ARHGEF38: variants seen among roughly 807,000 people sequenced by gnomAD.
ARHGEF38 encodes Rho guanine nucleotide exchange factor (GEF) 38.
ARHGEF38 carries 79 observed loss-of-function variants against 79.9 expected under a neutral mutation model. That is an observed-to-expected ratio of 0.99 (90% confidence interval 0.82 to 1.19). The LOEUF is 1.19. Among genes scored for constraint, ARHGEF38 ranks in the 50% most tolerant of loss-of-function variants. ARHGEF38 has a pLI of 0.00. For missense variants in ARHGEF38, 962 were observed against 907.2 expected, an observed-to-expected ratio of 1.06 and a Z score of -0.78; for synonymous variants, 366 against 328.3, an observed-to-expected ratio of 1.11 and a Z score of -1.24.
intron 3 of ARHGEF38, among the ~76,000 whole-genome samples, chr4:105,622,355 GT>G (rs1331158978): frequency 1.3e-5 from 2 of 152,176 alleles, no homozygotes; most frequent in Admixed American, 1.3e-4. Flanking sequence ...GAGTCTGTGA[GT>G]TCCTGAACAC....
chr4:105,565,134 CT>C (rs1348920502), intron 1 of ARHGEF38, among the ~76,000 whole-genome samples: 1 of 152,188 alleles, frequency 6.6e-6, no homozygotes, highest in Admixed American at 6.5e-5. Context: ...AATCTACTTT[CT>C]ATGCCAATTA....
intron 13 of ARHGEF38, among the ~76,000 whole-genome samples, chr4:105,668,116 C>T (rs879295941): frequency 6.6e-5 from 10 of 152,104 alleles, no homozygotes; most frequent in African/African-American, 9.7e-5. Flanking sequence ...CTTCATTGAG[C>T]TATCTAGTAA....
chr4:105,602,897 G>T (rs1299240720), intron 2 of ARHGEF38, among the ~76,000 whole-genome samples: 1 of 152,094 alleles, frequency 6.6e-6, no homozygotes, highest in Non-Finnish European at 1.5e-5. Flanking sequence ...CCTAAAATCA[G>T]CACTCACTCC....
At chr4:105,591,702 T>C (rs1470003956) in intron 2 of ARHGEF38, among the ~76,000 whole-genome samples, 2 of 152,202 alleles carry the variant, frequency 1.3e-5, no homozygotes, top group African/African-American at 4.8e-5. Flanking sequence ...GTTTGCCTCA[T>C]GACTTTTATT....
intron 6 of ARHGEF38, among the ~76,000 whole-genome samples, chr4:105,647,159 T>C (rs552834717): frequency 1.3e-4 from 20 of 152,286 alleles, no homozygotes; most frequent in African/African-American, 4.8e-4. Context: ...GCTTAAACTA[T>C]TTCAAAGTTT....
intron 10 of ARHGEF38, among the ~76,000 whole-genome samples, chr4:105,664,211 G>C (rs1730668592): frequency 6.6e-6 from 1 of 152,126 alleles, no homozygotes; most frequent in Admixed American, 6.5e-5. Context: ...AGAATTCAAA[G>C]CTCTATTTTT....
At chr4:105,616,632 G>T (rs887665524) in intron 3 of ARHGEF38, among the ~76,000 whole-genome samples, 1 of 152,064 alleles carries the variant, frequency 6.6e-6, no homozygotes, top group African/African-American at 2.4e-5. Flanking sequence ...GACTTGGCAG[G>T]GGGGACACAG....
At chr4:105,638,599 A>G (rs1329966760) in intron 5 of ARHGEF38, among the ~76,000 whole-genome samples, 1 of 152,172 alleles carries the variant, frequency 6.6e-6, no homozygotes, top group Non-Finnish European at 1.5e-5. Context: ...AGTAAAGACA[A>G]TCAGCAGTCA....
chr4:105,669,889 C>T (rs1159076873), intron 13 of ARHGEF38, among the ~76,000 whole-genome samples: 1 of 152,116 alleles, frequency 6.6e-6, no homozygotes, highest in African/African-American at 2.4e-5. Context: ...CAAAATTGTA[C>T]AATATGTGGT....
In ARHGEF38 at chr4:105,667,670, T is replaced by C. The variant is rs922424702; in HGVS notation, c.2115T>C (p.Thr705=). Residue 705 remains threonine (T), a synonymous_variant, in exon 13 of 14, where the codon ACT becomes ACC. Coordinates refer to ENST00000420470, the MANE Select transcript of ARHGEF38 (RefSeq NM_001242729.2). ...GTGGAAAGTTTGAAACAAATGGTAC[T>C]GATGTTGACAGTTTTCAAGAAGTAG... ...GTCGKFETNG[T]DVDSFQEVDE... 1.3e-6 allele frequency: 2 copies of C among 1,536,194 alleles called. No individual in the cohort carries two copies. Among genetic ancestry groups the C allele is most frequent in the African/African-American group, 2.7e-5 (2 of 73,040 alleles).
In ARHGEF38 at chr4:105,588,973, C is replaced by T. The variant is rs141735939; in HGVS notation, c.197-275C>T. ...TACATTTGATCTCCAGGCTGAATAC[C>T]GGCTTTATAGGCTAAGCTACAACAA... On this transcript the variant is annotated intron_variant, in intron 1 of 13. Coordinates refer to ENST00000420470, the MANE Select transcript of ARHGEF38 (RefSeq NM_001242729.2). Among the ~76,000 whole-genome samples the T allele has an allele frequency of 4.7e-3, 710 of 152,242 alleles. 5 individuals carry two copies. Among genetic ancestry groups the T allele is most frequent in the African/African-American group, 0.016 (670 of 41,538 alleles).
chr4:105,616,169 T>C (rs188734567), intron 3 of ARHGEF38, among the ~76,000 whole-genome samples: 1 of 152,350 alleles, frequency 6.6e-6, no homozygotes, highest in East Asian at 1.9e-4. Flanking sequence ...TTTGGTTACC[T>C]ATTGCATGTT....
intron 1 of ARHGEF38, among the ~76,000 whole-genome samples, chr4:105,580,762 G>C (rs1211163842): frequency 2.0e-5 from 3 of 152,116 alleles, no homozygotes. Flanking sequence ...GCCTAGGCTG[G>C]AGTGCAGTGA....
At chr4:105,631,126 T>A in intron 4 of ARHGEF38, 81 bp downstream of exon 4, 1 of 1,472,228 alleles carries the variant, frequency 6.8e-7, no homozygotes, top group Non-Finnish European at 9.0e-7. Flanking sequence ...AGATGAAAGG[T>A]CTCACATAAA....
intron 2 of ARHGEF38, among the ~76,000 whole-genome samples, chr4:105,596,842 C>G (rs10516519): frequency 0.26 from 39,409 of 152,104 alleles, 5,724 homozygotes; most frequent in African/African-American, 0.39. Context: ...AAGCTAGGTT[C>G]TACCTCTATA....
At chr4:105,639,265 A>C (rs1451533584) in intron 5 of ARHGEF38, among the ~76,000 whole-genome samples, 1 of 151,940 alleles carries the variant, frequency 6.6e-6, no homozygotes, top group Non-Finnish European at 1.5e-5. Flanking sequence ...ATGTCTCTTT[A>C]ATTAGTGCAT....
At chr4:105,648,057 T>C (rs1729926092) in intron 6 of ARHGEF38, among the ~76,000 whole-genome samples, 1 of 151,652 alleles carries the variant, frequency 6.6e-6, no homozygotes, top group Admixed American at 6.6e-5. Flanking sequence ...GCCAGGCTAA[T>C]TTTTGTATTT....
chr4:105,589,389 T>C lies in ARHGEF38; in HGVS notation c.338T>C (p.Leu113Pro), dbSNP rs759526452. Reference sequence around the variant, plus strand: ...ACAGAAAAGGATTATCTCAATGATCTAGAGCTGTGTGTTAGGGAAGTGGTT... The same window carrying C: ...ACAGAAAAGGATTATCTCAATGATCCAGAGCTGTGTGTTAGGGAAGTGGTT... The part of the protein sequence containing the change: ...IQTEKDYLND[L>P]ELCVREVVQP... The change falls in exon 2 of 14, where the codon CTA (leucine) becomes CCA (proline). Residue 113 changes from leucine (L) to proline (P), a missense_variant. Coordinates refer to ENST00000420470, the MANE Select transcript of ARHGEF38 (RefSeq NM_001242729.2). 6 of 1,613,850 alleles carry C rather than the reference T, an allele frequency of 3.7e-6. No homozygotes were observed. Among genetic ancestry groups the C allele is most frequent in the Non-Finnish European group, 5.1e-6 (6 of 1,179,966 alleles).
At chr4:105,592,365 A>G (rs1487141937) in intron 2 of ARHGEF38, among the ~76,000 whole-genome samples, 20 of 151,916 alleles carry the variant, frequency 1.3e-4, no homozygotes, top group Admixed American at 1.2e-3. Context: ...CAAGCTTACT[A>G]TTCTCTGATG....
Sources: gnomAD v4.1 joint callset for allele counts (sites outside exome capture counted in the v4.1 genomes callset) on GRCh38, gnomAD v4.1.1 for gene constraint, MANE v1.5 for transcripts, NCBI Gene and HGNC (gene_info 2026-07-23, HGNC 2026-07-21) for gene names.